Variants in METTL16 observed in about 807,000 individuals in gnomAD.
The protein encoded by METTL16 is methyltransferase 16, RNA N6-adenosine, also known as RNA N(6)-adenosine-methyltransferase METTL16.
A neutral mutation model predicts 57.9 loss-of-function variants in METTL16; 19 were observed. The observed-to-expected ratio is 0.33, with a 90% CI of 0.23 to 0.48. The LOEUF (loss-of-function observed/expected upper bound fraction) is 0.48. METTL16 is among the 20% of genes least tolerant of loss of function. METTL16 has a pLI of 0.99. For synonymous variants in METTL16, 246 were observed against 255.6 expected (o/e 0.96, Z 0.36); for missense variants, 434 against 691.5 (o/e 0.63, Z 4.18).
At chr17:2,461,354 G>A (rs1368913373) in intron 6 of METTL16, among the ~76,000 whole-genome samples, 2 of 152,032 alleles carry the variant, frequency 1.3e-5, no homozygotes, top group African/African-American at 2.4e-5. Context: ...GACAGAGTGA[G>A]ACTCTGTCTC....
intron 8 of METTL16, among the ~76,000 whole-genome samples, chr17:2,430,856 C>CTCTCAGTA (rs1452088098): frequency 6.6e-6 from 1 of 152,104 alleles, no homozygotes; most frequent in Non-Finnish European, 1.5e-5. Flanking sequence ...ACCAATCCCT[C>CTCTCAGTA]TCTCAGTATC....
At chr17:2,476,956 C>CA (rs34519562) in intron 3 of METTL16, among the ~76,000 whole-genome samples, 25,383 of 116,104 alleles carry the variant, frequency 0.22, 2,716 homozygotes, top group Middle Eastern at 0.31. Flanking sequence ...AATTCCGTTT[C>CA]AAAAAAAAAA....
chr17:2,466,500 G>T (rs2067197578), intron 5 of METTL16, among the ~76,000 whole-genome samples: 1 of 152,154 alleles, frequency 6.6e-6, no homozygotes, highest in Non-Finnish European at 1.5e-5. Flanking sequence ...CTACTGCTGG[G>T]TTTCTCAAAT....
chr17:2,416,382 A>G lies in METTL16; in HGVS notation c.*3588T>C, dbSNP rs1162260201. On this transcript the variant is annotated 3_prime_UTR_variant, in exon 10 of 10. Coordinates refer to ENST00000263092, the MANE Select transcript of METTL16 (RefSeq NM_024086.4). ...TTGCAGTTTTGTTATTCCTGTCACA[A>G]CTTAGAAGTTCGAGTGCTCACATGG... 3 of 152,194 alleles carry G rather than the reference A, an allele frequency of 2.0e-5. No homozygotes were observed. Among genetic ancestry groups the G allele is most frequent in the African/African-American group, 7.2e-5 (3 of 41,438 alleles). 9.4% of individuals were successfully genotyped at this position (152,194 alleles called of 1,614,324 possible).
At position 2,502,313 on chromosome 17, in the gene METTL16, T is replaced by C. The variant is rs1441426948; in HGVS notation, c.19A>G (p.Met7Val). 1.9e-6 allele frequency: 3 copies of C among 1,613,594 alleles called. No individual in the cohort carries two copies. The highest frequency in any genetic ancestry group is 1.7e-5 in the Admixed American group (1 of 59,998). Residue 7 changes from methionine (M) to valine (V), a missense_variant, in exon 2 of 10, where the codon ATG becomes GTG. Transcript: ENST00000263092. MALSKS[M>V]HARNRYKDKP... ...TCCTTGTATCTATTTCTTGCATGCATTGATTTACTCAGAGCCATCTTAAGG... is the reference window on the plus strand; with the variant it reads ...TCCTTGTATCTATTTCTTGCATGCACTGATTTACTCAGAGCCATCTTAAGG...
intron 8 of METTL16, among the ~76,000 whole-genome samples, chr17:2,437,442 A>T (rs904396060): frequency 3.9e-5 from 6 of 152,226 alleles, no homozygotes; most frequent in Admixed American, 2.0e-4. Context: ...GAAAAGAAAG[A>T]GACCTCATTT....
At chr17:2,447,014 A>T (rs1200317166) in intron 6 of METTL16, among the ~76,000 whole-genome samples, 1 of 150,208 alleles carries the variant, frequency 6.7e-6, no homozygotes, top group Non-Finnish European at 1.5e-5. Flanking sequence ...CCGTCTGGGA[A>T]GTGAGGAGCG....
At chr17:2,469,607 C>A (rs1290509241) in intron 4 of METTL16, among the ~76,000 whole-genome samples, 3 of 152,166 alleles carry the variant, frequency 2.0e-5, no homozygotes, top group Non-Finnish European at 4.4e-5. Flanking sequence ...CAACTGCAAC[C>A]TCTGCCTCCT....
At chr17:2,477,929 A>G (rs2067278927) in intron 2 of METTL16, 44 bp from the exon 3 acceptor site, 2 of 1,526,460 alleles carry the variant, frequency 1.3e-6, no homozygotes, top group African/African-American at 2.7e-5. Context: ...AGTAAGATTC[A>G]CTATGTTGTA....
chr17:2,487,972 T>C (rs1033248054), intron 2 of METTL16, among the ~76,000 whole-genome samples: 1 of 151,708 alleles, frequency 6.6e-6, no homozygotes, highest in Admixed American at 6.6e-5. Context: ...ATCACTGTAT[T>C]CCAGCCCAGG....
intron 2 of METTL16, among the ~76,000 whole-genome samples, chr17:2,479,351 G>GTTTA (rs2067288237): frequency 9.7e-6 from 1 of 103,486 alleles, no homozygotes; most frequent in Non-Finnish European, 2.0e-5. Context: ...TTTTTTTTTC[G>GTTTA]TAGAGAAAAG....
intron 6 of METTL16, among the ~76,000 whole-genome samples, chr17:2,450,355 AT>A (rs2067059648): frequency 6.6e-6 from 1 of 152,154 alleles, no homozygotes; most frequent in African/African-American, 2.4e-5. Flanking sequence ...CAAAACCTAC[AT>A]TTTCTATGAC....
intron 8 of METTL16, among the ~76,000 whole-genome samples, chr17:2,429,323 GGACTACAGGC>G (rs1240437146): frequency 6.7e-6 from 1 of 150,194 alleles, no homozygotes; most frequent in Non-Finnish European, 1.5e-5. Flanking sequence ...CAAGTAGATG[GGACTACAGGC>G]GTGTATCATC....
chr17:2,431,159 C>T (rs932227025), intron 8 of METTL16, among the ~76,000 whole-genome samples: 6 of 152,052 alleles, frequency 3.9e-5, no homozygotes, highest in African/African-American at 1.4e-4. Context: ...GTTGGCCAGG[C>T]TGGTCTCAAA....
At chr17:2,510,264 A>G (rs531626584) in intron 1 of METTL16, among the ~76,000 whole-genome samples, 1 of 152,118 alleles carries the variant, frequency 6.6e-6, no homozygotes, top group Non-Finnish European at 1.5e-5. Context: ...TGGGGTATTC[A>G]CCACTTTGAG....
At chr17:2,506,049 C>G (rs184365970) in intron 1 of METTL16, among the ~76,000 whole-genome samples, 1 of 151,978 alleles carries the variant, frequency 6.6e-6, no homozygotes, top group South Asian at 2.1e-4. Context: ...CTCACTGCAA[C>G]GTCTGCCTCC....
Position 2,419,753 on chromosome 17 carries a change from A to G in METTL16, c.*217T>C. The G allele has an allele frequency of 1.4e-6, 1 of 706,286 alleles. No individual in the cohort carries two copies. The highest frequency in any genetic ancestry group is 2.5e-6 in the Non-Finnish European group (1 of 392,820). The allele number at this position is 706,286 out of a possible 1,614,324, so 43.8% of individuals were successfully genotyped here. On this transcript the variant is annotated 3_prime_UTR_variant, in exon 10 of 10. Transcript: ENST00000263092. ...GGGCTTTCTGTTGTTACTGATGACC[A>G]CAATTCCTCCTTGTAAATGACCACA... is the stretch of plus-strand genomic sequence containing the variant.
At chr17:2,492,574 T>A (rs1022411680) in intron 2 of METTL16, among the ~76,000 whole-genome samples, 2 of 151,934 alleles carry the variant, frequency 1.3e-5, no homozygotes, top group Non-Finnish European at 2.9e-5. Context: ...TCAGTCTCAG[T>A]AAAGCTAAGA....
In METTL16 at chr17:2,489,732, C is replaced by CAAAAAAAAAAAAA. The variant is rs61506042; in HGVS notation, c.129-11860_129-11848dup. ...CCAGCCTGGATGACAGAGCGAGACT[C>CAAAAAAAAAAAAA]AAAAAAAAAAAAAAAAACGAATACT... On this transcript the variant is annotated intron_variant, in intron 2 of 9. Coordinates refer to ENST00000263092, the MANE Select transcript of METTL16 (RefSeq NM_024086.4). 1.5e-3 allele frequency among the ~76,000 whole-genome samples: 93 copies of CAAAAAAAAAAAAA among 60,310 alleles called. 9 individuals are homozygous for CAAAAAAAAAAAAA. Among genetic ancestry groups the CAAAAAAAAAAAAA allele is most frequent in the African/African-American group, 5.0e-3 (58 of 11,672 alleles). The allele number at this position is 60,310 out of a possible 152,430, so 39.6% of individuals were successfully genotyped here. A position where few individuals can be genotyped will look rare whatever the true frequency, so the allele number is the denominator to read the frequency against.
Sources: allele counts gnomAD v4.1 joint callset (sites outside exome capture counted in the v4.1 genomes callset), GRCh38; gene constraint gnomAD v4.1.1; transcripts MANE v1.5; gene names NCBI Gene and HGNC (gene_info 2026-07-23, HGNC 2026-07-21).